Variants in RBFOX1 observed in about 807,000 individuals in gnomAD.
RBFOX1 encodes RNA binding fox-1 homolog 1.
Under a neutral mutation model 57.7 loss-of-function variants are expected in RBFOX1, and 8 were observed. The ratio of observed to expected loss-of-function variants is 0.14; its 90% CI spans 0.08 to 0.25. The LOEUF is 0.25. Ranked by LOEUF, RBFOX1 falls within the 10% of genes least tolerant of loss-of-function variation. RBFOX1 has a pLI of 1.00. For missense variants in RBFOX1, 611 were observed against 548.5 expected, an observed-to-expected ratio of 1.11 and a Z score of -1.14; for synonymous variants, 326 against 222.4, an observed-to-expected ratio of 1.47 and a Z score of -4.15.
intron 3 of RBFOX1, among the ~76,000 whole-genome samples, chr16:6,820,684 A>AAACC (rs2091127580): frequency 6.6e-6 from 1 of 151,938 alleles, no homozygotes; most frequent in South Asian, 2.1e-4. Context: ...CAAAACAAAC[A>AAACC]AACAAAAACC....
chr16:5,719,231 T>C (rs1234534357), intron 3 of RBFOX1, among the ~76,000 whole-genome samples: 1 of 145,294 alleles, frequency 6.9e-6, no homozygotes, highest in African/African-American at 2.6e-5. Context: ...TGAGACGGAG[T>C]CTTGCCATCT....
At chr16:7,029,215 TATATAC>T (rs2042101247) in intron 3 of RBFOX1, among the ~76,000 whole-genome samples, 1 of 63,070 alleles carries the variant, frequency 1.6e-5, no homozygotes, top group South Asian at 7.3e-4. Flanking sequence ...TATACGTATA[TATATAC>T]ACACATATAT....
intron 4 of RBFOX1, among the ~76,000 whole-genome samples, chr16:7,310,479 A>T (rs577129664): frequency 6.6e-6 from 1 of 152,268 alleles, no homozygotes; most frequent in South Asian, 2.1e-4. Flanking sequence ...AACTGACGTT[A>T]ACTGTGGAGC....
intron 4 of RBFOX1, among the ~76,000 whole-genome samples, chr16:5,916,695 CA>C (rs1206611718): frequency 1.3e-5 from 2 of 152,114 alleles, no homozygotes; most frequent in African/African-American, 4.8e-5. Context: ...AGGTGGTTGT[CA>C]GGTGAGAAAG....
chr16:6,905,142 A>C (rs1026942214), intron 3 of RBFOX1, among the ~76,000 whole-genome samples: 1 of 152,172 alleles, frequency 6.6e-6, no homozygotes, highest in Non-Finnish European at 1.5e-5. Flanking sequence ...TTAGCATTTT[A>C]CAGTTGGTCA....
rs182236283 is a variant in RBFOX1, at chr16:7,619,143, G to A, written c.677-11460G>A. Among the ~76,000 whole-genome samples the A allele has an allele frequency of 7.4e-4, 112 of 152,022 alleles. 2 individuals are homozygous for A. In the East Asian group the frequency reaches 0.016, roughly 22 times the overall value. Reference sequence around the variant, plus strand: ...TTTAAATCTGATGCAAAGGTTAATCGATGCACACTTATTGTATTAAACCCA... The same window carrying A: ...TTTAAATCTGATGCAAAGGTTAATCAATGCACACTTATTGTATTAAACCCA... On this transcript the variant is annotated intron_variant, in intron 10 of 15. Transcript: ENST00000550418.
chr16:6,330,960 T>C (rs186690897), intron 2 of RBFOX1, among the ~76,000 whole-genome samples: 58 of 152,234 alleles, frequency 3.8e-4, no homozygotes, highest in African/African-American at 1.4e-3. Flanking sequence ...TAGGATGGAA[T>C]TGAAAGAGCA....
chr16:6,034,463 A>T (rs1044167093), intron 1 of RBFOX1, among the ~76,000 whole-genome samples: 1 of 150,868 alleles, frequency 6.6e-6, no homozygotes, highest in African/African-American at 2.4e-5. Context: ...CTAGTGAGGG[A>T]TGCCCGCTCT....
intron 3 of RBFOX1, among the ~76,000 whole-genome samples, chr16:6,984,133 G>T (rs1266054128): frequency 6.6e-6 from 1 of 152,130 alleles, no homozygotes; most frequent in African/African-American, 2.4e-5. Flanking sequence ...TGTAATCTCA[G>T]CAACTTGGGA....
Position 7,518,172 on chromosome 16 carries a change from C to G in RBFOX1, c.53C>G (p.Pro18Arg). ...GGTAATCAGGAAGCAGCCGCTGCCC[C>G]TGACACAATGGCTCAGCCTTACGCT... ...LRGNQEAAAAPDTMAQPYASA... is the reference protein window; with the variant it reads ...LRGNQEAAAARDTMAQPYASA... The change falls in exon 5 of 16, where the codon CCT becomes CGT. Residue 18 changes from proline to arginine, a missense_variant. Transcript: ENST00000550418. 1.2e-6 allele frequency: 2 copies of G among 1,613,560 alleles called. No individual in the cohort carries two copies. The highest frequency in any genetic ancestry group is 1.7e-6 in the Non-Finnish European group (2 of 1,179,692).
At chr16:6,259,676 G>C (rs935073438) in intron 1 of RBFOX1, among the ~76,000 whole-genome samples, 1 of 152,070 alleles carries the variant, frequency 6.6e-6, no homozygotes, top group Admixed American at 6.5e-5. Flanking sequence ...AAAACACTGG[G>C]GCCGGGTGCA....
rs1358583164 is a variant in RBFOX1 at position 7,092,035 on chromosome 16, A to G, written c.27+39937A>G. 3.3e-5 allele frequency among the ~76,000 whole-genome samples: 5 copies of G among 152,234 alleles called. No homozygotes were observed. The East Asian group carries it at 5.8e-4, about 18-fold the overall frequency. On this transcript the variant is annotated intron_variant, in intron 4 of 15. Coordinates refer to ENST00000550418, the MANE Select transcript of RBFOX1 (RefSeq NM_018723.4). ...GTAAAATTAGTCAATGAGAAAAAAA[A>G]TAAATAGCACCACCTCTTCTAGCAC...
rs558993688 is a variant in RBFOX1, at chr16:7,559,690, T to A, written c.271-20087T>A. On this transcript the variant is annotated intron_variant, in intron 5 of 15. Coordinates refer to ENST00000550418, the MANE Select transcript of RBFOX1 (RefSeq NM_018723.4). ...ATGAATTTTCATGACTTGTGTCTAC[T>A]GTGTGCCCACACAGTGCCAGAAGCC... Among the ~76,000 whole-genome samples, 2 of 152,362 alleles carry A rather than the reference T, an allele frequency of 1.3e-5. 1 individual carries two copies. The highest frequency in any genetic ancestry group is 4.8e-5 in the African/African-American group (2 of 41,594).
intron 1 of RBFOX1, among the ~76,000 whole-genome samples, chr16:5,437,604 A>G (rs1021635356): frequency 2.6e-5 from 4 of 152,260 alleles, no homozygotes; most frequent in Admixed American, 6.5e-5. Context: ...TTTAAAGAGT[A>G]TAATGCCAAA....
chr16:6,839,449 T>C (rs7499720), intron 3 of RBFOX1, among the ~76,000 whole-genome samples: 116,191 of 152,200 alleles, frequency 0.76, 45,560 homozygotes, highest in African/African-American at 0.94. Context: ...TTTAACATGC[T>C]TCTGCTATCT....
chr16:6,864,502 G>A (rs1274596333), intron 3 of RBFOX1, among the ~76,000 whole-genome samples: 4 of 148,672 alleles, frequency 2.7e-5, no homozygotes, highest in African/African-American at 5.0e-5. Context: ...ACATAAAAAC[G>A]TTAATTAAAA....
intron 3 of RBFOX1, among the ~76,000 whole-genome samples, chr16:5,658,876 AAT>A (rs960201557): frequency 2.0e-5 from 3 of 148,634 alleles, no homozygotes; most frequent in African/African-American, 4.9e-5. Context: ...TATATGTATA[AAT>A]ATATATATAT....
At chr16:6,570,883 G>A (rs1240432411) in intron 2 of RBFOX1, among the ~76,000 whole-genome samples, 1 of 152,188 alleles carries the variant, frequency 6.6e-6, no homozygotes, top group East Asian at 1.9e-4. Context: ...GGGATGGGGA[G>A]AAGGAAGAGA....
At chr16:7,218,641 T>TGTGTGTGC (rs2092456229) in intron 4 of RBFOX1, among the ~76,000 whole-genome samples, 1 of 141,030 alleles carries the variant, frequency 7.1e-6, no homozygotes, top group African/African-American at 2.7e-5. Context: ...TGTGTGTGTG[T>TGTGTGTGC]GTGTGTGTGT....
Sources: allele counts gnomAD v4.1 joint callset (sites outside exome capture counted in the v4.1 genomes callset), GRCh38; gene constraint gnomAD v4.1.1; transcripts MANE v1.5; gene names NCBI Gene and HGNC (gene_info 2026-07-23, HGNC 2026-07-21).